PGGT1B: variants seen among roughly 807,000 people sequenced by gnomAD.
PGGT1B encodes geranylgeranyl transferase type-1 subunit beta.
Under a neutral mutation model 46.1 loss-of-function variants are expected in PGGT1B, and 30 were observed. The ratio of observed to expected loss-of-function variants is 0.65; its 90% CI spans 0.49 to 0.88. The LOEUF is 0.88. PGGT1B is among the 40% of genes least tolerant of loss of function. The pLI, the probability that PGGT1B is intolerant of heterozygous loss-of-function variation, is 0.00. For missense variants in PGGT1B, 376 were observed against 455.9 expected (o/e 0.82, Z 1.60); for synonymous variants, 170 against 160.0 (o/e 1.06, Z -0.47).
chr5:115,221,543 G>A (rs1580748323), intron 7 of PGGT1B, among the ~76,000 whole-genome samples: 2 of 151,898 alleles, frequency 1.3e-5, no homozygotes, highest in East Asian at 3.9e-4. Flanking sequence ...ATACCCACAA[G>A]AAAGTAAGTA....
intron 5 of PGGT1B, among the ~76,000 whole-genome samples, chr5:115,234,400 G>A (rs915619266): frequency 1.3e-5 from 2 of 151,928 alleles, no homozygotes; most frequent in Non-Finnish European, 2.9e-5. Context: ...AATACAGGGA[G>A]GGTGAGGGGC....
At position 115,262,819 on chromosome 5, in the gene PGGT1B, C is replaced by G. The variant is rs367555256; in HGVS notation, c.33G>C (p.Gly11=). The G allele has an allele frequency of 1.1e-4, 178 of 1,612,550 alleles. No homozygotes were observed. Among genetic ancestry groups the G allele is most frequent in the Non-Finnish European group, 1.3e-4 (158 of 1,179,948 alleles). The change falls in exon 1 of 9, where the codon GGG becomes GGC. Residue 11 remains glycine, a synonymous_variant. Transcript: ENST00000419445. ...AATCCAGCCGCTCTCCCTCACCGCT[C>G]CCTGCTAGCCTCTCATCCTCAGTGG... is the stretch of plus-strand genomic sequence containing the variant. MAATEDERLA[G]SGEGERLDFL...
At chr5:115,259,243 G>A (rs761479025) in intron 1 of PGGT1B, among the ~76,000 whole-genome samples, 4 of 152,146 alleles carry the variant, frequency 2.6e-5, no homozygotes, top group African/African-American at 7.2e-5. Flanking sequence ...CCTGAGATGC[G>A]TGTTATAATG....
At chr5:115,241,755 C>G in intron 2 of PGGT1B, 149 bp from the exon 3 acceptor site, 1 of 520,350 alleles carries the variant, frequency 1.9e-6, no homozygotes, top group Non-Finnish European at 3.4e-6. Context: ...TGTGCCAGGT[C>G]CATTCTAGGT....
intron 2 of PGGT1B, among the ~76,000 whole-genome samples, chr5:115,250,830 C>A (rs1252461036): frequency 6.6e-6 from 1 of 152,142 alleles, no homozygotes. Flanking sequence ...AATGCCCAGA[C>A]TGGTTTGACC....
At chr5:115,213,238 C>T (rs75925396) in intron 8 of PGGT1B, among the ~76,000 whole-genome samples, 2,971 of 152,220 alleles carry the variant, frequency 0.02, 88 homozygotes, top group African/African-American at 0.067. Flanking sequence ...AATATGAGTG[C>T]TCATACCATG....
At position 115,207,420 on chromosome 5, in the gene PGGT1B, G is replaced by T. The variant is rs1756098422; in HGVS notation, c.*4982C>A. On this transcript the variant is annotated 3_prime_UTR_variant, in exon 9 of 9. Coordinates refer to ENST00000419445, the MANE Select transcript of PGGT1B (RefSeq NM_005023.4). ...GAGTTAAAGCCAGTTGAAAAATAATGTATACTATATGGTTCCACTCATATA... is the reference window on the plus strand; with the variant it reads ...GAGTTAAAGCCAGTTGAAAAATAATTTATACTATATGGTTCCACTCATATA... 6.6e-6 allele frequency: 1 copy of T among 151,422 alleles called. No homozygotes were observed. The highest frequency in any genetic ancestry group is 1.5e-5 in the Non-Finnish European group (1 of 67,790). 9.4% of individuals were successfully genotyped at this position (151,422 alleles called of 1,614,324 possible). A position where few individuals can be genotyped will look rare whatever the true frequency, so the allele number is the denominator to read the frequency against.
intron 1 of PGGT1B, 151 bp downstream of exon 1, chr5:115,262,561 G>T (rs1748609409): frequency 1.3e-6 from 1 of 796,868 alleles, no homozygotes; most frequent in Non-Finnish European, 2.0e-6. Context: ...CGGGAGAGTG[G>T]GGGTAACCTC....
At chr5:115,226,519 T>A (rs1423660969) in intron 6 of PGGT1B, among the ~76,000 whole-genome samples, 1 of 150,962 alleles carries the variant, frequency 6.6e-6, no homozygotes, top group African/African-American at 2.5e-5. Context: ...AAGCTACAGT[T>A]GGAGAAGAGT....
intron 7 of PGGT1B, among the ~76,000 whole-genome samples, chr5:115,221,036 G>A (rs941727438): frequency 2.3e-4 from 35 of 152,070 alleles, no homozygotes; most frequent in African/African-American, 7.2e-4. Flanking sequence ...AAATGCACCT[G>A]AGAAATGGTA....
At chr5:115,260,262 T>C (rs533177045) in intron 1 of PGGT1B, among the ~76,000 whole-genome samples, 1 of 152,292 alleles carries the variant, frequency 6.6e-6, no homozygotes, top group Admixed American at 6.5e-5. Flanking sequence ...AATAAGTGTC[T>C]AAATATCCAG....
intron 6 of PGGT1B, among the ~76,000 whole-genome samples, chr5:115,227,722 T>C (rs747886511): frequency 4.6e-5 from 7 of 152,192 alleles, no homozygotes; most frequent in Non-Finnish European, 8.8e-5. Context: ...GTGTATAAAA[T>C]CATATTTCTA....
intron 5 of PGGT1B, among the ~76,000 whole-genome samples, chr5:115,232,478 A>C: frequency 6.6e-6 from 1 of 152,084 alleles, no homozygotes; most frequent in Non-Finnish European, 1.5e-5. Flanking sequence ...GAAGAAGGCA[A>C]TATTCACAAT....
chr5:115,214,288 C>T (rs892479589), intron 8 of PGGT1B, among the ~76,000 whole-genome samples: 3 of 150,568 alleles, frequency 2.0e-5, no homozygotes, highest in African/African-American at 7.3e-5. Context: ...TGTTTGAAGC[C>T]TCAAATTGTG....
chr5:115,253,105 C>T, intron 2 of PGGT1B, 32 bp downstream of exon 2: 4 of 1,591,304 alleles, frequency 2.5e-6, no homozygotes, highest in South Asian at 1.1e-5. Context: ...CAACCAGTCA[C>T]ACTAAAAATA....
At chr5:115,255,249 G>C (rs1260015343) in intron 1 of PGGT1B, among the ~76,000 whole-genome samples, 1 of 152,018 alleles carries the variant, frequency 6.6e-6, no homozygotes, top group African/African-American at 2.4e-5. Flanking sequence ...ATAGACTCTT[G>C]GTTGTAACCA....
In PGGT1B at chr5:115,262,740, C is replaced by G; in HGVS notation, c.112G>C (p.Glu38Gln). 6.2e-7 allele frequency: 1 copy of G among 1,612,434 alleles called. No homozygotes were observed. Among genetic ancestry groups the G allele is most frequent in the Non-Finnish European group, 8.5e-7 (1 of 1,179,214 alleles). Residue 38 changes from glutamate (E) to glutamine (Q), a missense_variant, in exon 1 of 9, where the codon GAG (glutamate) becomes CAG (glutamine). Glu to Gln is a conservative substitution (Grantham distance 29). Coordinates refer to ENST00000419445, the MANE Select transcript of PGGT1B (RefSeq NM_005023.4). ...CTTGTCTCGAGTGAAGAATAGCGCT[C>G]CGGCAAAACCTGGAGGCAGCGCTGG... ...FFQRCLQVLP[E>Q]RYSSLETSRL...
rs554420140 is a variant in PGGT1B at position 115,248,955 on chromosome 5, T to C, written c.259+4182A>G. ...CTTCCATTAGCAAAAATATCAGTAT[T>C]TACGTATAGCTATGAACTTTTAGTT... On this transcript the variant is annotated intron_variant, in intron 2 of 8. Coordinates refer to ENST00000419445, the MANE Select transcript of PGGT1B (RefSeq NM_005023.4). Among the ~76,000 whole-genome samples the C allele has an allele frequency of 3.3e-5, 5 of 152,330 alleles. No individual in the cohort carries two copies. In the East Asian group the frequency reaches 9.6e-4, roughly 29 times the overall value.
intron 8 of PGGT1B, among the ~76,000 whole-genome samples, chr5:115,216,029 G>A (rs1432796380): frequency 6.6e-6 from 1 of 152,184 alleles, no homozygotes; most frequent in African/African-American, 2.4e-5. Context: ...CCAAATTTTG[G>A]AAGGGCCTTG....
Sources: allele counts gnomAD v4.1 joint callset (sites outside exome capture counted in the v4.1 genomes callset), GRCh38; gene constraint gnomAD v4.1.1; transcripts MANE v1.5; gene names NCBI Gene and HGNC (gene_info 2026-07-23, HGNC 2026-07-21).